ATP6V0D2: variants seen among roughly 807,000 people sequenced by gnomAD.
ATP6V0D2 encodes V-type proton ATPase subunit d 2.
Under a neutral mutation model 40.0 loss-of-function variants are expected in ATP6V0D2, and 40 were observed. The observed-to-expected ratio is 1.00, with a 90% CI of 0.78 to 1.30. The LOEUF is 1.30. Ranked by LOEUF, ATP6V0D2 falls within the 50% of genes most tolerant of loss-of-function variation. ATP6V0D2 has a pLI of 0.00. For synonymous variants in ATP6V0D2, 179 were observed against 156.3 expected (o/e 1.15, Z -1.08); for missense variants, 470 against 423.1 (o/e 1.11, Z -0.97).
Position 86,099,903 on chromosome 8 carries a change from G to T in ATP6V0D2, c.130+795G>T, listed in dbSNP as rs147576580. Reference sequence around the variant, plus strand: ...CATATTTATAAACATTTGGAGAAGGGCTTCACCAAACTGCCAAGGGATCTA... The same window carrying T: ...CATATTTATAAACATTTGGAGAAGGTCTTCACCAAACTGCCAAGGGATCTA... On this transcript the variant is annotated intron_variant, in intron 1 of 7. Transcript: ENST00000285393. Among the ~76,000 whole-genome samples, 668 of 152,168 alleles carry T rather than the reference G, an allele frequency of 4.4e-3. 3 individuals are homozygous for T. Among genetic ancestry groups the T allele is most frequent in the African/African-American group, 0.015 (628 of 41,518 alleles).
rs375594937 is a variant in ATP6V0D2, at chr8:86,140,628, CA to C, written c.482-814del. On this transcript the variant is annotated intron_variant, in intron 3 of 7. Coordinates refer to ENST00000285393, the MANE Select transcript of ATP6V0D2 (RefSeq NM_152565.1). ...TTAGATAGTGAAGGAGGAGGGACTTCAAAAAAAAGCCTTAAGTGAATAGCTC... is the reference window on the plus strand; with the variant it reads ...TTAGATAGTGAAGGAGGAGGGACTTCAAAAAAAGCCTTAAGTGAATAGCTC... Among the ~76,000 whole-genome samples the C allele has an allele frequency of 4.6e-3, 695 of 151,274 alleles. 6 individuals are homozygous for C. Among genetic ancestry groups the C allele is most frequent in the African/African-American group, 0.016 (659 of 41,224 alleles).
chr8:86,131,523 T>G (rs1372919139), intron 2 of ATP6V0D2, among the ~76,000 whole-genome samples: 1 of 149,920 alleles, frequency 6.7e-6, no homozygotes, highest in East Asian at 2.0e-4. Flanking sequence ...ATTTTTGAGA[T>G]GGAGTTTCAC....
intron 2 of ATP6V0D2, among the ~76,000 whole-genome samples, chr8:86,118,009 T>TCTTG (rs897502841): frequency 5.6e-5 from 8 of 143,118 alleles, no homozygotes; most frequent in South Asian, 4.2e-4. Flanking sequence ...TTGTTTTCTT[T>TCTTG]CTTTCTTTCT....
intron 2 of ATP6V0D2, among the ~76,000 whole-genome samples, chr8:86,122,349 GAAGA>G (rs1371527245): frequency 6.6e-6 from 1 of 152,122 alleles, no homozygotes; most frequent in African/African-American, 2.4e-5. Flanking sequence ...ACCACACACT[GAAGA>G]AATCTTTAAA....
At chr8:86,099,816 A>T (rs1208628397) in intron 1 of ATP6V0D2, among the ~76,000 whole-genome samples, 1 of 152,182 alleles carries the variant, frequency 6.6e-6, no homozygotes. Context: ...TTTTAAAGAC[A>T]TTTTGACAAC....
chr8:86,099,742 C>T (rs1586081729), intron 1 of ATP6V0D2, among the ~76,000 whole-genome samples: 1 of 152,190 alleles, frequency 6.6e-6, no homozygotes, highest in Non-Finnish European at 1.5e-5. Flanking sequence ...GATCCGACTG[C>T]CTTGGCCTCC....
At chr8:86,114,611 A>G (rs1314621485) in intron 2 of ATP6V0D2, among the ~76,000 whole-genome samples, 2 of 152,232 alleles carry the variant, frequency 1.3e-5, no homozygotes, top group Non-Finnish European at 2.9e-5. Context: ...CGGAGGTTGC[A>G]GTGAGGTGAG....
At chr8:86,136,382 C>T (rs1351040871) in intron 2 of ATP6V0D2, among the ~76,000 whole-genome samples, 4 of 152,188 alleles carry the variant, frequency 2.6e-5, no homozygotes, top group Admixed American at 6.5e-5. Flanking sequence ...TAGGAATGTT[C>T]GCAGCTCAGA....
chr8:86,114,232 A>G (rs1296242499), intron 2 of ATP6V0D2, among the ~76,000 whole-genome samples: 4 of 152,196 alleles, frequency 2.6e-5, no homozygotes, highest in African/African-American at 9.7e-5. Flanking sequence ...TGGGGTTGAC[A>G]ATATCTCAAA....
chr8:86,123,203 G>T (rs1818696034), intron 2 of ATP6V0D2, among the ~76,000 whole-genome samples: 1 of 152,118 alleles, frequency 6.6e-6, no homozygotes, highest in Non-Finnish European at 1.5e-5. Context: ...TGTGCATGTA[G>T]TACTTATTCA....
chr8:86,137,847 C>A (rs1372282295), intron 2 of ATP6V0D2, among the ~76,000 whole-genome samples: 2 of 152,170 alleles, frequency 1.3e-5, no homozygotes, highest in Admixed American at 6.5e-5. Flanking sequence ...TTTCACCTCT[C>A]TGGGCCTCTG....
In ATP6V0D2 at chr8:86,138,512, A is replaced by T. The variant is rs117142322; in HGVS notation, c.303-945A>T. The stretch of plus-strand genomic sequence containing the variant: ...GCTGACTACATGAGTGAACCAGGAC[A>T]TGCACCCAGGGTATCCCGAGCAGAG... On this transcript the variant is annotated intron_variant, in intron 2 of 7. Transcript: ENST00000285393. 8.1e-3 allele frequency among the ~76,000 whole-genome samples: 1,235 copies of T among 152,302 alleles called. 13 individuals are homozygous for T. Among genetic ancestry groups the T allele is most frequent in the South Asian group, 0.019 (90 of 4,824 alleles).
Position 86,153,183 on chromosome 8 carries a change from CAT to C in ATP6V0D2, c.*207_*208del, listed in dbSNP as rs35552884. The C allele has an allele frequency of 0.27, 104,615 of 387,002 alleles. 15,154 individuals carry two copies. Among genetic ancestry groups the C allele is most frequent in the Admixed American group, 0.32 (7,017 of 22,160 alleles). 24.0% of individuals were successfully genotyped at this position (387,002 alleles called of 1,614,324 possible). A position where few individuals can be genotyped will look rare whatever the true frequency, so the allele number is the denominator to read the frequency against. On this transcript the variant is annotated 3_prime_UTR_variant, in exon 8 of 8. Transcript: ENST00000285393. ...TCAGTGGTATTAGATCTTGTTTCCA[CAT>C]GTCTGTCTCATTCTTCACTGGGCCT...
intron 5 of ATP6V0D2, among the ~76,000 whole-genome samples, chr8:86,147,343 C>T (rs1819084820): frequency 1.3e-5 from 2 of 152,092 alleles, no homozygotes; most frequent in African/African-American, 4.8e-5. Flanking sequence ...CAGTTCATTG[C>T]TATCTCTTGA....
chr8:86,103,794 G>A (rs1818432637), intron 1 of ATP6V0D2, among the ~76,000 whole-genome samples: 2 of 152,064 alleles, frequency 1.3e-5, no homozygotes, highest in Non-Finnish European at 2.9e-5. Flanking sequence ...CATGTGAGAT[G>A]ACAGCTATAC....
intron 2 of ATP6V0D2, among the ~76,000 whole-genome samples, chr8:86,130,170 G>A (rs1419335444): frequency 6.6e-6 from 1 of 151,920 alleles, no homozygotes; most frequent in Non-Finnish European, 1.5e-5. Flanking sequence ...GGCATTTACT[G>A]TTGTTACCTT....
At chr8:86,104,409 T>G (rs1818440806) in intron 1 of ATP6V0D2, among the ~76,000 whole-genome samples, 1 of 151,992 alleles carries the variant, frequency 6.6e-6, no homozygotes, top group African/African-American at 2.4e-5. Context: ...GAAAAACGCA[T>G]GAGGAAGCAC....
At chr8:86,111,063 T>G (rs1283345911) in intron 1 of ATP6V0D2, among the ~76,000 whole-genome samples, 1 of 152,208 alleles carries the variant, frequency 6.6e-6, no homozygotes, top group Non-Finnish European at 1.5e-5. Flanking sequence ...TTTTGTACCA[T>G]AGGTCTCTTG....
Position 86,128,530 on chromosome 8 carries a change from G to A in ATP6V0D2, c.303-10927G>A. Among the ~76,000 whole-genome samples the A allele has an allele frequency of 1.3e-5, 2 of 152,084 alleles. 1 individual carries two copies. The highest frequency in any genetic ancestry group is 2.9e-5 in the Non-Finnish European group (2 of 68,024). On this transcript the variant is annotated intron_variant, in intron 2 of 7. Transcript: ENST00000285393. ...TTGAGGTACCTCCATCTAGCAAAGG[G>A]GCTCAGGTCTCTTTACAGGAAAGCT...
Sources: allele counts gnomAD v4.1 joint callset (sites outside exome capture counted in the v4.1 genomes callset), GRCh38; gene constraint gnomAD v4.1.1; transcripts MANE v1.5; gene names NCBI Gene and HGNC (gene_info 2026-07-23, HGNC 2026-07-21).